TCF12: variants seen among roughly 807,000 people sequenced by gnomAD.
TCF12 encodes the protein transcription factor 12.
A neutral mutation model predicts 86.0 loss-of-function variants in TCF12; 45 were observed. The ratio of observed to expected loss-of-function variants is 0.52; its 90% confidence interval spans 0.41 to 0.67. The LOEUF is 0.67. Ranked by LOEUF, TCF12 falls within the 30% of genes least tolerant of loss-of-function variation. TCF12 has a pLI of 0.00. For missense variants in TCF12, 881 were observed against 859.9 expected (o/e 1.02, Z -0.31); for synonymous variants, 330 against 299.6 (o/e 1.10, Z -1.05).
chr15:57,046,172 T>A (rs1202183719), intron 3 of TCF12, among the ~76,000 whole-genome samples: 1 of 152,240 alleles, frequency 6.6e-6, no homozygotes, highest in African/African-American at 2.4e-5. Flanking sequence ...TCTTGAGTTA[T>A]GTACTATTAT....
At chr15:57,223,778 A>G (rs2058739423) in intron 8 of TCF12, among the ~76,000 whole-genome samples, 1 of 151,298 alleles carries the variant, frequency 6.6e-6, no homozygotes, top group African/African-American at 2.4e-5. Flanking sequence ...ATGTGACTGT[A>G]TACAGCTGCA....
chr15:57,270,489 G>A lies in TCF12; in HGVS notation c.1746-2541G>A, dbSNP rs140680517. Among the ~76,000 whole-genome samples, 481 of 152,032 alleles carry A rather than the reference G, an allele frequency of 3.2e-3. 2 individuals are homozygous for A. Among genetic ancestry groups the A allele is most frequent in the African/African-American group, 0.011 (464 of 41,462 alleles). ...TTTTTCCAAGGTTTTTTACTTCCTCGCAGTGGGTTAGAACATGCTTCTTTA... is the reference window on the plus strand; with the variant it reads ...TTTTTCCAAGGTTTTTTACTTCCTCACAGTGGGTTAGAACATGCTTCTTTA... On this transcript the variant is annotated intron_variant, in intron 18 of 20. Transcript: ENST00000333725.
chr15:57,193,990 A>G (rs1476583667), intron 7 of TCF12, among the ~76,000 whole-genome samples: 2 of 152,236 alleles, frequency 1.3e-5, no homozygotes, highest in South Asian at 4.1e-4. Flanking sequence ...GAATAGGAAC[A>G]TTGATTGGAG....
At chr15:56,935,127 T>C (rs1203729456) in intron 3 of TCF12, among the ~76,000 whole-genome samples, 4 of 152,198 alleles carry the variant, frequency 2.6e-5, no homozygotes, top group African/African-American at 4.8e-5. Context: ...AGCTTATTTT[T>C]CTCTGTAGCT....
intron 19 of TCF12, chr15:57,278,647 C>A: frequency 4.7e-6 from 1 of 213,274 alleles, no homozygotes; most frequent in Non-Finnish European, 9.9e-6. Flanking sequence ...AACACCCAAT[C>A]ATCATGCTCA....
At chr15:57,122,938 A>C (rs936367144) in intron 5 of TCF12, among the ~76,000 whole-genome samples, 1 of 152,220 alleles carries the variant, frequency 6.6e-6, no homozygotes, top group Non-Finnish European at 1.5e-5. Flanking sequence ...CCAACTAAAA[A>C]ACAGCTTTTT....
At chr15:57,236,293 T>C (rs894943279) in intron 12 of TCF12, among the ~76,000 whole-genome samples, 5 of 152,212 alleles carry the variant, frequency 3.3e-5, no homozygotes, top group Non-Finnish European at 1.5e-5. Flanking sequence ...AATATATGTT[T>C]AGTGCACTCA....
In TCF12 at chr15:57,273,062, A is replaced by G. The variant is rs111292852; in HGVS notation, c.1778A>G (p.Glu593Gly). The G allele has an allele frequency of 6.2e-7, 1 of 1,614,222 alleles. No homozygotes were observed. The highest frequency in any genetic ancestry group is 8.5e-7 in the Non-Finnish European group (1 of 1,180,030). ...STNEDEDLNP[E>G]QKIEREKERR... ...AATGAAGATGAGGATTTGAACCCTG[A>G]ACAGAAGATAGAAAGGGAGAAGGAG... The change falls in exon 19 of 21, where the codon GAA (glutamate) becomes GGA (glycine). Residue 593 changes from glutamate (E) to glycine (G), a missense_variant. Glu to Gly is a moderately conservative substitution (Grantham distance 98). Around this residue, in one of 3 missense-constraint regions of TCF12, gnomAD observed 766 missense variants for 718.9 expected, o/e 1.07. Coordinates refer to ENST00000333725, the MANE Select transcript of TCF12 (RefSeq NM_207037.2).
chr15:57,247,160 C>T (rs559420140), intron 13 of TCF12: 1 of 561,262 alleles, frequency 1.8e-6, no homozygotes, highest in East Asian at 3.6e-5. Context: ...ACTCCACCAC[C>T]ACCACCATAT....
At chr15:57,012,251 A>G (rs2141172048) in intron 3 of TCF12, among the ~76,000 whole-genome samples, 1 of 152,320 alleles carries the variant, frequency 6.6e-6, no homozygotes, top group Non-Finnish European at 1.5e-5. Context: ...AATTACTGTT[A>G]TTAGAAAGAA....
chr15:57,231,817 C>T (rs1479231391), intron 9 of TCF12, among the ~76,000 whole-genome samples: 2 of 152,134 alleles, frequency 1.3e-5, no homozygotes, highest in Non-Finnish European at 2.9e-5. Flanking sequence ...TCATTGCTGA[C>T]ACATTTCATT....
At chr15:57,046,191 A>G (rs1469762985) in intron 3 of TCF12, among the ~76,000 whole-genome samples, 1 of 152,184 alleles carries the variant, frequency 6.6e-6, no homozygotes, top group Non-Finnish European at 1.5e-5. Flanking sequence ...ATCAACCCAC[A>G]TTTAACAGAG....
chr15:57,219,221 C>T (rs1298564512), intron 8 of TCF12: 9 of 1,110,958 alleles, frequency 8.1e-6, no homozygotes, highest in Non-Finnish European at 9.9e-6. Context: ...TATTTTTATT[C>T]AGGGCATATT....
At chr15:57,121,847 A>G (rs2051256076) in intron 5 of TCF12, among the ~76,000 whole-genome samples, 1 of 152,184 alleles carries the variant, frequency 6.6e-6, no homozygotes, top group Non-Finnish European at 1.5e-5. Flanking sequence ...TCATGGATAC[A>G]GCTCTATTGT....
chr15:56,979,538 C>T (rs2062784019), intron 3 of TCF12, among the ~76,000 whole-genome samples: 1 of 152,172 alleles, frequency 6.6e-6, no homozygotes, highest in South Asian at 2.1e-4. Context: ...TCTGTTGTAG[C>T]ATGTTTGAAA....
chr15:57,206,934 A>G (rs1211034280), intron 8 of TCF12, among the ~76,000 whole-genome samples: 1 of 150,684 alleles, frequency 6.6e-6, no homozygotes, highest in African/African-American at 2.4e-5. Context: ...CTACAGAAAA[A>G]AAAAAAAAAG....
intron 8 of TCF12, among the ~76,000 whole-genome samples, chr15:57,199,220 TA>T (rs2057416137): frequency 1.3e-5 from 2 of 152,156 alleles, no homozygotes; most frequent in Non-Finnish European, 2.9e-5. Flanking sequence ...CAGCAGCAGC[TA>T]AAAATAGTTG....
intron 3 of TCF12, among the ~76,000 whole-genome samples, chr15:56,968,999 T>C (rs1459019973): frequency 6.6e-6 from 1 of 152,218 alleles, no homozygotes; most frequent in African/African-American, 2.4e-5. Flanking sequence ...TCTGGCTCAG[T>C]TAATCTGCAT....
At chr15:56,958,676 A>AGTGTGT (rs1324930525) in intron 3 of TCF12, among the ~76,000 whole-genome samples, 6,771 of 91,952 alleles carry the variant, frequency 0.074, 227 homozygotes, top group African/African-American at 0.12. Flanking sequence ...AGAGAGAGAG[A>AGTGTGT]GAGTGTGTGT....
Sources: gnomAD v4.1 joint callset for allele counts (sites outside exome capture counted in the v4.1 genomes callset) on GRCh38, gnomAD v4.1.1 for gene constraint, gnomAD v4.1.1 regional missense constraint, MANE v1.5 for transcripts, NCBI Gene and HGNC (gene_info 2026-07-23, HGNC 2026-07-21) for gene names.